VCL: variants seen among roughly 807,000 people sequenced by gnomAD.
VCL encodes vinculin, also known as epididymis luminal protein 114.
VCL carries 47 observed loss-of-function variants against 125.7 expected under a neutral mutation model. The ratio of observed to expected loss-of-function variants is 0.37; its 90% CI spans 0.30 to 0.48. The LOEUF (loss-of-function observed/expected upper bound fraction) is 0.48. Ranked by LOEUF, VCL falls within the 20% of genes least tolerant of loss-of-function variation. The pLI is 0.99. For missense variants in VCL, 1,069 were observed against 1,455.5 expected (o/e 0.73, Z 4.32); for synonymous variants, 458 against 514.6 (o/e 0.89, Z 1.49).
intron 2 of VCL, among the ~76,000 whole-genome samples, chr10:74,057,213 G>A (rs184273502): frequency 1.3e-5 from 2 of 152,014 alleles, no homozygotes; most frequent in African/African-American, 4.8e-5. Context: ...CCAAAGCGCT[G>A]GGATTATAGG....
intron 1 of VCL, among the ~76,000 whole-genome samples, chr10:74,029,208 G>A (rs868805539): frequency 6.6e-6 from 1 of 151,922 alleles, no homozygotes; most frequent in African/African-American, 2.4e-5. Context: ...CCGCCTCCTG[G>A]GTTCATGCCA....
intron 2 of VCL, among the ~76,000 whole-genome samples, chr10:74,051,721 T>C (rs71473718): frequency 0.013 from 1,929 of 152,286 alleles, 21 homozygotes; most frequent in Non-Finnish European, 0.019. Flanking sequence ...ATGAGTGAAA[T>C]GATATATGTG....
rs747461057 is a variant in VCL, at chr10:74,090,015, A to G, written c.1177-8A>G. ...CACAGCGTGCTGCTTCTCCGTTTCT[A>G]TGTGTAGAACTGGCTTGCAGATCCA... On this transcript the variant is annotated splice_region_variant and splice_polypyrimidine_tract_variant and intron_variant, in intron 9 of 21. Coordinates refer to ENST00000211998, the MANE Select transcript of VCL (RefSeq NM_014000.3). 6 of 1,614,158 alleles carry G rather than the reference A, an allele frequency of 3.7e-6. No individual in the cohort carries two copies. The highest frequency in any genetic ancestry group is 5.1e-6 in the Non-Finnish European group (6 of 1,180,018).
At chr10:74,013,436 CTA>C (rs1346240222) in intron 1 of VCL, among the ~76,000 whole-genome samples, 1 of 151,898 alleles carries the variant, frequency 6.6e-6, no homozygotes, top group Non-Finnish European at 1.5e-5. Flanking sequence ...GTAGAATTCT[CTA>C]TTAGTTTTGA....
At chr10:74,108,745 G>C (rs560724365) in intron 17 of VCL, among the ~76,000 whole-genome samples, 1 of 152,342 alleles carries the variant, frequency 6.6e-6, no homozygotes, top group East Asian at 1.9e-4. Flanking sequence ...CTCCCAAAGT[G>C]CTGGGATTAT....
chr10:74,034,582 A>G (rs1334934729), intron 1 of VCL, among the ~76,000 whole-genome samples: 2 of 152,272 alleles, frequency 1.3e-5, no homozygotes. Flanking sequence ...TCAACGAACA[A>G]CAAGGACTGA....
At position 74,050,339 on chromosome 10, in the gene VCL, A is replaced by T. The variant is rs147193184; in HGVS notation, c.239+7186A>T. Among the ~76,000 whole-genome samples, 879 of 152,356 alleles carry T rather than the reference A, an allele frequency of 5.8e-3. 6 individuals carry two copies. The highest frequency in any genetic ancestry group is 0.02 in the African/African-American group (830 of 41,578). On this transcript the variant is annotated intron_variant, in intron 2 of 21. Coordinates refer to ENST00000211998, the MANE Select transcript of VCL (RefSeq NM_014000.3). ...ATGTGAAAGGATGTACTACTGCTAC[A>T]TGATTGCCATTATTCACATTTCTTG...
chr10:74,039,460 C>T (rs1171425316), intron 1 of VCL, among the ~76,000 whole-genome samples: 1 of 151,888 alleles, frequency 6.6e-6, no homozygotes. Flanking sequence ...CTCCCCTCAC[C>T]ACCTAAAAAT....
At chr10:74,096,264 A>G (rs1258121095) in intron 12 of VCL, among the ~76,000 whole-genome samples, 3 of 151,520 alleles carry the variant, frequency 2.0e-5, no homozygotes, top group African/African-American at 4.9e-5. Context: ...TGGGAGGCTG[A>G]GGTGGGAGAA....
chr10:74,038,309 A>G (rs940948260), intron 1 of VCL, among the ~76,000 whole-genome samples: 14 of 152,178 alleles, frequency 9.2e-5, no homozygotes, highest in Non-Finnish European at 1.9e-4. Context: ...TGCTGGGAAC[A>G]TTCCAAGTGG....
At position 73,998,285 on chromosome 10, in the gene VCL, G is replaced by T. The variant is rs1255155707; in HGVS notation, c.78G>T (p.Met26Ile). The part of the protein sequence containing the change: ...VAQQISHLVI[M>I]HEEGEVDGKA... ...AGCAGATCTCCCACCTGGTGATAAT[G>T]CACGAGGAGGGCGAGGTGGACGGCA... Residue 26 changes from methionine (M) to isoleucine (I), a missense_variant, in exon 1 of 22, where the codon ATG (methionine) becomes ATT (isoleucine). Met to Ile is a conservative substitution (Grantham distance 10). This residue lies in a region of VCL where 96 missense variants were observed against 137.6 expected (regional missense o/e 0.70). Coordinates refer to ENST00000211998, the MANE Select transcript of VCL (RefSeq NM_014000.3). The T allele has an allele frequency of 1.2e-6, 2 of 1,607,896 alleles. No homozygotes were observed.
intron 15 of VCL, 61 bp downstream of exon 15, chr10:74,103,989 G>A (rs1024104925): frequency 7.8e-6 from 12 of 1,535,232 alleles, no homozygotes; most frequent in Non-Finnish European, 1.1e-5. Context: ...TGAGAAATTG[G>A]AGCGGGACTG....
chr10:74,002,850 C>T (rs1240812098), intron 1 of VCL, among the ~76,000 whole-genome samples: 1 of 149,062 alleles, frequency 6.7e-6, no homozygotes, highest in Non-Finnish European at 1.5e-5. Context: ...CCACTGCATT[C>T]CAGCCTGGTG....
intron 1 of VCL, among the ~76,000 whole-genome samples, chr10:74,028,950 T>C (rs965096738): frequency 6.6e-6 from 1 of 151,756 alleles, no homozygotes; most frequent in Non-Finnish European, 1.5e-5. Context: ...CCTGGAGTAG[T>C]TGGGACTACA....
intron 1 of VCL, among the ~76,000 whole-genome samples, chr10:73,998,992 C>A (rs1043072893): frequency 1.3e-5 from 2 of 152,334 alleles, no homozygotes; most frequent in Non-Finnish European, 2.9e-5. Flanking sequence ...TCGCCTCCTC[C>A]TCCCTCCTGG....
chr10:74,056,033 A>G (rs1358719581), intron 2 of VCL, among the ~76,000 whole-genome samples: 1 of 152,166 alleles, frequency 6.6e-6, no homozygotes, highest in Non-Finnish European at 1.5e-5. Context: ...TTCCTCTCCC[A>G]TTCTTTCCCA....
chr10:74,060,049 C>A (rs1045808800), intron 2 of VCL, among the ~76,000 whole-genome samples: 3 of 151,918 alleles, frequency 2.0e-5, no homozygotes, highest in Non-Finnish European at 4.4e-5. Context: ...ATAGTCTCAG[C>A]TACTTAAGAG....
chr10:74,043,745 G>C (rs556665780), intron 2 of VCL, among the ~76,000 whole-genome samples: 3 of 152,172 alleles, frequency 2.0e-5, no homozygotes, highest in African/African-American at 4.8e-5. Flanking sequence ...TAGCATGCAT[G>C]AATCTACATT....
intron 1 of VCL, among the ~76,000 whole-genome samples, chr10:74,007,727 C>T (rs1840346095): frequency 1.3e-5 from 2 of 152,066 alleles, no homozygotes; most frequent in Non-Finnish European, 2.9e-5. Context: ...AACTCCTGAC[C>T]TCAAGTGATC....
Sources: gnomAD v4.1 joint callset for allele counts (sites outside exome capture counted in the v4.1 genomes callset) on GRCh38, gnomAD v4.1.1 for gene constraint, gnomAD v4.1.1 regional missense constraint, MANE v1.5 for transcripts, NCBI Gene and HGNC (gene_info 2026-07-23, HGNC 2026-07-21) for gene names.